SPATA9: variants seen among roughly 807,000 people sequenced by gnomAD.
The protein encoded by SPATA9 is spermatogenesis-associated protein 9.
Under a neutral mutation model 25.5 loss-of-function variants are expected in SPATA9, and 27 were observed. That is an observed-to-expected ratio of 1.06 (90% CI 0.78 to 1.46). SPATA9 has a LOEUF of 1.46. SPATA9 is among the 40% of genes most tolerant of loss of function. The pLI, the probability that SPATA9 is intolerant of heterozygous loss-of-function variation, is 0.00. For missense variants in SPATA9, 282 were observed against 297.5 expected (o/e 0.95, Z 0.38); for synonymous variants, 102 against 105.7 (o/e 0.97, Z 0.21).
intron 1 of SPATA9, among the ~76,000 whole-genome samples, chr5:95,694,601 T>G (rs541840490): frequency 6.6e-6 from 1 of 152,348 alleles, no homozygotes; most frequent in East Asian, 1.9e-4. Context: ...ATGACATAAT[T>G]CACTATGTGT....
upstream of SPATA9, among the ~76,000 whole-genome samples, chr5:95,699,819 G>A (rs746495227): frequency 6.6e-6 from 1 of 152,210 alleles, no homozygotes; most frequent in Non-Finnish European, 1.5e-5. Flanking sequence ...AAGACTCTGA[G>A]AGTTTCAAGT....
At chr5:95,723,558 G>T in the SPATA9 span, among the ~76,000 whole-genome samples, 6 of 152,036 alleles carry the variant, frequency 3.9e-5, no homozygotes, top group South Asian at 2.1e-4. Context: ...TTGTTTGTTT[G>T]TTTTTTTAAA....
At chr5:95,671,608 C>T (rs1752382361) in intron 3 of SPATA9, among the ~76,000 whole-genome samples, 2 of 152,082 alleles carry the variant, frequency 1.3e-5, no homozygotes, top group East Asian at 1.9e-4. Flanking sequence ...CAGGGTTTCA[C>T]CATGTTAGCC....
At chr5:95,714,605 G>A in the SPATA9 span, among the ~76,000 whole-genome samples, 36 of 152,156 alleles carry the variant, frequency 2.4e-4, no homozygotes, top group Non-Finnish European at 3.7e-4. Context: ...AAGAAAATTT[G>A]TTTGTAGTGA....
At chr5:95,700,775 C>T (rs969191890), upstream of SPATA9, among the ~76,000 whole-genome samples, 1 of 152,168 alleles carries the variant, frequency 6.6e-6, no homozygotes, top group Non-Finnish European at 1.5e-5. Context: ...AAACCAGGAA[C>T]TTGACATTGC....
upstream of SPATA9, among the ~76,000 whole-genome samples, chr5:95,684,942 G>C (rs1190323555): frequency 6.6e-6 from 1 of 152,100 alleles, no homozygotes; most frequent in Non-Finnish European, 1.5e-5. Context: ...CTTTAATACA[G>C]AAGAACAGAA....
the SPATA9 span, chr5:95,708,742 C>T: frequency 4.5e-5 from 30 of 667,426 alleles, no homozygotes; most frequent in African/African-American, 8.9e-5. Flanking sequence ...TTCATGGGTG[C>T]GAGCTGGCTC....
At chr5:95,731,862 C>T in the SPATA9 span, 3 of 1,612,608 alleles carry the variant, frequency 1.9e-6, no homozygotes. Context: ...CGTGCAGGTC[C>T]ATCCACATCG....
downstream of SPATA9, chr5:95,653,972 C>T (rs550418632): frequency 3.9e-6 from 4 of 1,028,880 alleles, no homozygotes; most frequent in Non-Finnish European, 5.7e-6. Context: ...TTGAAAAGTC[C>T]GAACTATTCA....
chr5:95,689,304 G>A (rs114044862), intron 1 of SPATA9, among the ~76,000 whole-genome samples: 258 of 152,276 alleles, frequency 1.7e-3, no homozygotes, highest in African/African-American at 5.9e-3. Context: ...ACATCTCTGA[G>A]ACTAGAAAAT....
At chr5:95,697,435 CAG>C (rs751206599) in intron 1 of SPATA9, among the ~76,000 whole-genome samples, 6 of 152,214 alleles carry the variant, frequency 3.9e-5, no homozygotes, top group Admixed American at 1.3e-4. Flanking sequence ...TCAAAAGAAA[CAG>C]GGGTGGCAAG....
upstream of SPATA9, among the ~76,000 whole-genome samples, chr5:95,683,865 G>A (rs1753645313): frequency 6.6e-6 from 1 of 152,186 alleles, no homozygotes; most frequent in African/African-American, 2.4e-5. Flanking sequence ...TAGTGTGAAT[G>A]AAATAGTTGG....
chr5:95,656,734 T>C (rs1750787172), downstream of SPATA9: 1 of 153,820 alleles, frequency 6.5e-6, no homozygotes, highest in South Asian at 2.0e-4. Context: ...GTAAACAGAC[T>C]ATATAATGAA....
intron 2 of SPATA9, among the ~76,000 whole-genome samples, chr5:95,676,377 A>G (rs1752956651): frequency 1.3e-5 from 2 of 152,226 alleles, no homozygotes; most frequent in South Asian, 4.1e-4. Context: ...ACACTGTACC[A>G]AATGCACACT....
intron 4 of SPATA9, among the ~76,000 whole-genome samples, chr5:95,663,065 T>C (rs1561396129): frequency 6.6e-6 from 1 of 152,202 alleles, no homozygotes; most frequent in Non-Finnish European, 1.5e-5. Context: ...CCAAAAGATA[T>C]GTACAGGAAT....
At chr5:95,730,753 C>A in the SPATA9 span, 1 of 364,226 alleles carries the variant, frequency 2.7e-6, no homozygotes. Flanking sequence ...ATAATCCCCC[C>A]AAGGCGACAT....
upstream of SPATA9, among the ~76,000 whole-genome samples, chr5:95,686,197 A>G (rs150215374): frequency 6.6e-6 from 1 of 152,328 alleles, no homozygotes; most frequent in African/African-American, 2.4e-5. Flanking sequence ...GCTATTCTGA[A>G]TAGTATAGAA....
intron 3 of SPATA9, among the ~76,000 whole-genome samples, chr5:95,672,991 C>T (rs1376365544): frequency 6.6e-6 from 1 of 152,162 alleles, no homozygotes; most frequent in Admixed American, 6.5e-5. Flanking sequence ...TCTAGAGAGA[C>T]ATGTACCTCC....
chr5:95,670,876 C>A, intron 3 of SPATA9: 1 of 985,424 alleles, frequency 1.0e-6, no homozygotes. Flanking sequence ...CTGTTTCTGT[C>A]CTCACTGAGC....
Sources: allele counts gnomAD v4.1 joint callset (sites outside exome capture counted in the v4.1 genomes callset), GRCh38; gene constraint gnomAD v4.1.1; transcripts MANE v1.5; gene names NCBI Gene and HGNC (gene_info 2026-07-23, HGNC 2026-07-21).